Variants in FRYL observed in about 807,000 individuals in gnomAD.
FRYL encodes protein furry homolog-like.
A neutral mutation model predicts 351.2 loss-of-function variants in FRYL; 150 were observed. The ratio of observed to expected loss-of-function variants is 0.43; its 90% CI spans 0.37 to 0.49. FRYL has a LOEUF of 0.49. Among genes scored for constraint, FRYL ranks in the 20% least tolerant of loss-of-function variants. FRYL has a pLI of 0.00. For missense variants in FRYL, 3,036 were observed against 3,619.3 expected (o/e 0.84, Z 4.13); for synonymous variants, 1,153 against 1,257.1 (o/e 0.92, Z 1.75).
intron 3 of FRYL, among the ~76,000 whole-genome samples, chr4:48,642,112 T>C (rs1283348989): frequency 6.6e-6 from 1 of 152,230 alleles, no homozygotes; most frequent in Non-Finnish European, 1.5e-5. Context: ...CTGGGCTTTC[T>C]ATTATGCTCA....
chr4:48,648,583 G>A (rs1202453764), intron 3 of FRYL, among the ~76,000 whole-genome samples: 1 of 152,080 alleles, frequency 6.6e-6, no homozygotes, highest in East Asian at 1.9e-4. Context: ...GGGGGGTGAG[G>A]GAGTGTTCTT....
At chr4:48,715,772 T>C (rs939624711) in intron 1 of FRYL, among the ~76,000 whole-genome samples, 5 of 152,154 alleles carry the variant, frequency 3.3e-5, no homozygotes, top group African/African-American at 1.2e-4. Context: ...GGAAAAAAAC[T>C]ACTTTAAAGT....
intron 2 of FRYL, among the ~76,000 whole-genome samples, chr4:48,695,065 C>T (rs898893841): frequency 2.2e-4 from 33 of 152,116 alleles, no homozygotes; most frequent in African/African-American, 7.2e-4. Flanking sequence ...CTGTTTCAAA[C>T]AAACAAACAA....
At chr4:48,677,850 C>G (rs1400612570) in intron 3 of FRYL, among the ~76,000 whole-genome samples, 1 of 152,174 alleles carries the variant, frequency 6.6e-6, no homozygotes, top group Non-Finnish European at 1.5e-5. Flanking sequence ...CATGAAGTCT[C>G]TCCATATCAT....
At chr4:48,571,577 G>A (rs1738338641) in intron 26 of FRYL, 1 of 815,154 alleles carries the variant, frequency 1.2e-6, no homozygotes, top group African/African-American at 1.9e-5. Context: ...TCATATTACA[G>A]AGCAAATTAA....
At chr4:48,518,987 C>CG (rs1724298471) in intron 55 of FRYL, among the ~76,000 whole-genome samples, 1 of 152,220 alleles carries the variant, frequency 6.6e-6, no homozygotes, top group South Asian at 2.1e-4. Context: ...GGTAGCGCCT[C>CG]AGTAGATACT....
chr4:48,499,554 C>CAGGTTA lies in FRYL; in HGVS notation c.8904_8909dup (p.Asn2969_Leu2970dup). The CAGGTTA allele has an allele frequency of 6.2e-7, 1 of 1,614,042 alleles. No homozygotes were observed. The highest frequency in any genetic ancestry group is 8.5e-7 in the Non-Finnish European group (1 of 1,179,982). ...GTTTGTAGTTGGCTTCTGACATGTC[C>CAGGTTA]AGGTTAGAGCCTATAACTGCAAAGC... On this transcript the variant is annotated inframe_insertion, in exon 64 of 64. Coordinates refer to ENST00000358350, the MANE Select transcript of FRYL (RefSeq NM_015030.2).
chr4:48,742,285 A>G (rs1361528366), intron 1 of FRYL, among the ~76,000 whole-genome samples: 1 of 152,198 alleles, frequency 6.6e-6, no homozygotes, highest in Non-Finnish European at 1.5e-5. Context: ...TACTTAACAC[A>G]ATTTGGAGTC....
intron 44 of FRYL, among the ~76,000 whole-genome samples, chr4:48,542,871 T>C (rs1730539295): frequency 6.6e-6 from 1 of 152,118 alleles, no homozygotes; most frequent in Non-Finnish European, 1.5e-5. Flanking sequence ...TTCACCCCAA[T>C]GTCAGAATGA....
intron 4 of FRYL, among the ~76,000 whole-genome samples, chr4:48,633,169 T>G (rs1560756336): frequency 2.0e-5 from 3 of 152,006 alleles, no homozygotes; most frequent in Non-Finnish European, 1.5e-5. Flanking sequence ...GCCCAAAGAG[T>G]AACCTAAACT....
At chr4:48,761,728 T>C (rs1057040332) in intron 1 of FRYL, among the ~76,000 whole-genome samples, 1 of 152,208 alleles carries the variant, frequency 6.6e-6, no homozygotes, top group Non-Finnish European at 1.5e-5. Context: ...TTTGTTACAA[T>C]TGCCTACAAT....
At chr4:48,512,767 G>A (rs1388401589) in intron 56 of FRYL, 79 bp from the exon 57 acceptor site, 1 of 996,126 alleles carries the variant, frequency 1.0e-6, no homozygotes, top group Non-Finnish European at 1.5e-6. Flanking sequence ...GACAGCTTAA[G>A]TCATTTGACA....
intron 3 of FRYL, among the ~76,000 whole-genome samples, chr4:48,683,670 T>C (rs894833483): frequency 1.3e-5 from 2 of 152,140 alleles, no homozygotes; most frequent in African/African-American, 2.4e-5. Flanking sequence ...AGACATAAAT[T>C]TGTTGCCCTG....
chr4:48,708,745 T>C (rs1178251126), intron 2 of FRYL, among the ~76,000 whole-genome samples: 1 of 152,008 alleles, frequency 6.6e-6, no homozygotes, highest in East Asian at 1.9e-4. Flanking sequence ...GGTGTGCAAC[T>C]ATCACACTTG....
intron 3 of FRYL, among the ~76,000 whole-genome samples, chr4:48,682,375 G>A (rs1334004469): frequency 6.6e-6 from 1 of 152,150 alleles, no homozygotes; most frequent in African/African-American, 2.4e-5. Context: ...AAGACTTCAT[G>A]ACTAAAACTC....
rs35947265 is a variant in FRYL, at chr4:48,708,072, G to A, written c.-204+2447C>T. ...TCTGACCTCGTGATCAGCCTGCCTC[G>A]GCCTCCCAAAGTGCTGGGATTACAG... On this transcript the variant is annotated intron_variant, in intron 2 of 63. Transcript: ENST00000358350. Among the ~76,000 whole-genome samples, 373 of 151,792 alleles carry A rather than the reference G, an allele frequency of 2.5e-3. 2 individuals are homozygous for A. Among genetic ancestry groups the A allele is most frequent in the Non-Finnish European group, 3.8e-3 (258 of 67,916 alleles).
intron 1 of FRYL, among the ~76,000 whole-genome samples, chr4:48,716,556 C>T (rs1578817048): frequency 6.6e-6 from 1 of 151,082 alleles, no homozygotes; most frequent in East Asian, 1.9e-4. Context: ...CAGAGAAATG[C>T]AAAAACCACA....
intron 1 of FRYL, among the ~76,000 whole-genome samples, chr4:48,724,570 T>C (rs774473742): frequency 2.0e-5 from 3 of 151,996 alleles, no homozygotes; most frequent in Non-Finnish European, 4.4e-5. Flanking sequence ...GCTCCAGGAG[T>C]TGGGTGCGGG....
At chr4:48,610,382 C>T (rs1235248924) in intron 7 of FRYL, among the ~76,000 whole-genome samples, 1 of 151,724 alleles carries the variant, frequency 6.6e-6, no homozygotes, top group African/African-American at 2.4e-5. Context: ...TAATAAAAGC[C>T]CTACTCCTCC....
Sources: allele counts gnomAD v4.1 joint callset (sites outside exome capture counted in the v4.1 genomes callset), GRCh38; gene constraint gnomAD v4.1.1; transcripts MANE v1.5; gene names NCBI Gene and HGNC (gene_info 2026-07-23, HGNC 2026-07-21).